CNTNAP5: variants seen among roughly 807,000 people sequenced by gnomAD.
CNTNAP5 encodes the protein contactin-associated protein-like 5.
In CNTNAP5, 72 loss-of-function variants were observed where a neutral mutation model predicts 150.2. That is an observed-to-expected ratio of 0.48 (90% CI 0.40 to 0.58). The LOEUF is 0.58. CNTNAP5 is among the 20% of genes least tolerant of loss of function. The probability of loss-of-function intolerance (pLI) is 0.00; values close to 1 mark genes in which losing one functional copy is unlikely to be tolerated. For synonymous variants in CNTNAP5, 672 were observed against 619.8 expected (o/e 1.08, Z -1.25); for missense variants, 1,636 against 1,626.2 (o/e 1.01, Z -0.10).
At chr2:124,133,867 A>T (rs1683918072) in intron 1 of CNTNAP5, among the ~76,000 whole-genome samples, 1 of 152,156 alleles carries the variant, frequency 6.6e-6, no homozygotes, top group African/African-American at 2.4e-5. Flanking sequence ...TGTATATTTT[A>T]TTGTTTTCTA....
chr2:124,086,416 G>T (rs1682693561), intron 1 of CNTNAP5, among the ~76,000 whole-genome samples: 1 of 151,332 alleles, frequency 6.6e-6, no homozygotes, highest in Non-Finnish European at 1.5e-5. Flanking sequence ...TGTTAGCCAG[G>T]ATGGTCTCGA....
chr2:124,861,694 T>C (rs1677527364), intron 19 of CNTNAP5, among the ~76,000 whole-genome samples: 1 of 152,226 alleles, frequency 6.6e-6, no homozygotes, highest in Non-Finnish European at 1.5e-5. Flanking sequence ...TGCTCCAACA[T>C]GGATAGGACC....
At chr2:124,740,765 C>G (rs1680481099) in intron 13 of CNTNAP5, among the ~76,000 whole-genome samples, 2 of 152,200 alleles carry the variant, frequency 1.3e-5, no homozygotes, top group Non-Finnish European at 2.9e-5. Flanking sequence ...TTCTCACACT[C>G]ACTCATCTGT....
chr2:124,613,473 C>T (rs1226682648), intron 12 of CNTNAP5, among the ~76,000 whole-genome samples: 1 of 152,218 alleles, frequency 6.6e-6, no homozygotes, highest in Non-Finnish European at 1.5e-5. Flanking sequence ...CTGGCTTCCA[C>T]AGCCTTTCCT....
intron 3 of CNTNAP5, among the ~76,000 whole-genome samples, chr2:124,293,539 A>G (rs1009313923): frequency 7.9e-5 from 12 of 152,218 alleles, no homozygotes; most frequent in African/African-American, 2.9e-4. Flanking sequence ...TTGTAGTAAC[A>G]TAATGTTCAG....
chr2:124,869,873 T>C (rs961008724), intron 21 of CNTNAP5, 111 bp downstream of exon 21: 2 of 566,900 alleles, frequency 3.5e-6, no homozygotes, highest in East Asian at 5.9e-5. Context: ...GCTCCCATAA[T>C]ATCTGAGATC....
intron 1 of CNTNAP5, among the ~76,000 whole-genome samples, chr2:124,083,131 T>C (rs1448953443): frequency 1.3e-5 from 2 of 152,176 alleles, no homozygotes; most frequent in African/African-American, 4.8e-5. Flanking sequence ...GGGCAGATCA[T>C]GAGGCCAAGA....
intron 1 of CNTNAP5, among the ~76,000 whole-genome samples, chr2:124,160,479 G>A (rs1458402138): frequency 3.3e-5 from 5 of 151,556 alleles, no homozygotes; most frequent in Admixed American, 6.6e-5. Context: ...TAGTGGTAGA[G>A]GCAGAAATTT....
chr2:124,702,365 T>G (rs1204138078), intron 13 of CNTNAP5, among the ~76,000 whole-genome samples: 4 of 38,274 alleles, frequency 1.0e-4, no homozygotes, highest in African/African-American at 4.5e-4. Context: ...TTTTTTTTTT[T>G]TTTTTTTTTT....
chr2:124,839,874 A>C (rs1452673942), intron 19 of CNTNAP5, among the ~76,000 whole-genome samples: 1 of 152,062 alleles, frequency 6.6e-6, no homozygotes, highest in Non-Finnish European at 1.5e-5. Context: ...ATGTGAGGGA[A>C]CTCAAACTCA....
chr2:124,674,026 T>C (rs961729990), intron 13 of CNTNAP5, among the ~76,000 whole-genome samples: 1 of 152,124 alleles, frequency 6.6e-6, no homozygotes, highest in Non-Finnish European at 1.5e-5. Flanking sequence ...TGCTCCCACC[T>C]TGCCGCATTC....
chr2:124,085,710 C>T (rs1682672737), intron 1 of CNTNAP5, among the ~76,000 whole-genome samples: 1 of 152,152 alleles, frequency 6.6e-6, no homozygotes, highest in Non-Finnish European at 1.5e-5. Context: ...TCTTCACTGT[C>T]AATCAGTTTG....
At chr2:124,818,017 C>T (rs1274878969) in intron 19 of CNTNAP5, among the ~76,000 whole-genome samples, 3 of 152,078 alleles carry the variant, frequency 2.0e-5, no homozygotes, top group Non-Finnish European at 4.4e-5. Context: ...CCACCACTGC[C>T]CCGTGTTTTC....
At chr2:124,476,200 AT>A (rs1693636156) in intron 7 of CNTNAP5, among the ~76,000 whole-genome samples, 2 of 152,222 alleles carry the variant, frequency 1.3e-5, no homozygotes, top group Admixed American at 1.3e-4. Flanking sequence ...AGGCAATTAT[AT>A]TTTTAGAACC....
Position 124,057,448 on chromosome 2 carries a change from A to ATTTTTTTTTTTTTTTTTTTTTTTT in CNTNAP5, c.82+31739_82+31740insTTTTTTTTTTTTTTTTTTTTTTTT, listed in dbSNP as rs556571236. Among the ~76,000 whole-genome samples the ATTTTTTTTTTTTTTTTTTTTTTTT allele has an allele frequency of 3.6e-3, 226 of 62,756 alleles. 37 individuals carry two copies. The highest frequency in any genetic ancestry group is 4.1e-3 in the Non-Finnish European group (154 of 37,276). 41.2% of individuals were successfully genotyped at this position (62,756 alleles called of 152,430 possible). On this transcript the variant is annotated intron_variant, in intron 1 of 23. Transcript: ENST00000682447. ...AGGCACCCACCAGCACGGCCAGCTA[A>ATTTTTTTTTTTTTTTTTTTTTTTT]TTTTTTTTTTTTTTTTTTTTTTTAG...
At chr2:124,452,760 A>C (rs1453261351) in intron 6 of CNTNAP5, among the ~76,000 whole-genome samples, 1 of 152,144 alleles carries the variant, frequency 6.6e-6, no homozygotes, top group Non-Finnish European at 1.5e-5. Flanking sequence ...GGGTGGCCAG[A>C]TCCAGAAGAG....
chr2:124,446,906 G>A lies in CNTNAP5; in HGVS notation c.887G>A (p.Gly296Asp), dbSNP rs1163413137. ...DKHTQHFRTK[G>D]ETDALDIDYE... ...CACACACAGCACTTCCGCACCAAGG[G>A]CGAGACGGATGCCTTAGACATTGAC... The change falls in exon 6 of 24, where the codon GGC becomes GAC. Residue 296 changes from glycine (G) to aspartate (D), a missense_variant. Gly to Asp is a moderately conservative substitution (Grantham distance 94). Coordinates refer to ENST00000682447, the MANE Select transcript of CNTNAP5 (RefSeq NM_001367498.1). The A allele has an allele frequency of 1.2e-6, 2 of 1,613,742 alleles. No homozygotes were observed. The highest frequency in any genetic ancestry group is 1.7e-5 in the Admixed American group (1 of 60,004).
chr2:124,844,659 G>C (rs1446482578), intron 19 of CNTNAP5, among the ~76,000 whole-genome samples: 4 of 151,934 alleles, frequency 2.6e-5, no homozygotes, highest in African/African-American at 9.7e-5. Flanking sequence ...ATTTGTTTCT[G>C]TTGTCTATGA....
rs545414166 is a variant in CNTNAP5 at position 124,032,290 on chromosome 2, C to T, written c.82+6558C>T. ...GCTAGCTGGAGAAATGGGAGGGGGG[C>T]AGTTATTACTTGGTAGAAGGATAGA... is the stretch of plus-strand genomic sequence containing the variant. On this transcript the variant is annotated intron_variant, in intron 1 of 23. Transcript: ENST00000682447. Among the ~76,000 whole-genome samples the T allele has an allele frequency of 7.2e-5, 11 of 152,056 alleles. No homozygotes were observed. In the South Asian group the frequency reaches 1.9e-3, roughly 26 times the overall value.
Sources: allele counts gnomAD v4.1 joint callset (sites outside exome capture counted in the v4.1 genomes callset), GRCh38; gene constraint gnomAD v4.1.1; transcripts MANE v1.5; gene names NCBI Gene and HGNC (gene_info 2026-07-23, HGNC 2026-07-21).